Variants in XKR9 observed in about 807,000 individuals in gnomAD.
The protein encoded by XKR9 is XK-related protein 9.
In XKR9, 32 loss-of-function variants were observed where a neutral mutation model predicts 32.0. That is an observed-to-expected ratio of 1.00 (90% CI 0.76 to 1.34). The LOEUF is 1.34. Ranked by LOEUF, XKR9 falls within the 40% of genes most tolerant of loss-of-function variation. The pLI is 0.00. For synonymous variants in XKR9, 168 were observed against 143.4 expected (o/e 1.17, Z -1.22); for missense variants, 546 against 429.7 (o/e 1.27, Z -2.39).
the XKR9 span, among the ~76,000 whole-genome samples, chr8:70,929,527 C>A: frequency 2.0e-5 from 3 of 152,080 alleles, no homozygotes; most frequent in African/African-American, 7.2e-5. Context: ...GTAGGTCAGG[C>A]TGAGCTCTTA....
At chr8:70,687,837 AATTT>A (rs1329903388) in intron 3 of XKR9, among the ~76,000 whole-genome samples, 2 of 152,108 alleles carry the variant, frequency 1.3e-5, no homozygotes, top group Non-Finnish European at 2.9e-5. Flanking sequence ...AATCTTTTGA[AATTT>A]ATTCAGACTT....
the XKR9 span, among the ~76,000 whole-genome samples, chr8:70,942,620 A>G: frequency 1.2e-4 from 18 of 152,130 alleles, no homozygotes; most frequent in African/African-American, 4.1e-4. Flanking sequence ...TTGGACATAC[A>G]TGGTCTTGGA....
intron 3 of XKR9, among the ~76,000 whole-genome samples, chr8:70,688,200 A>AAGTATATT (rs1392024215): frequency 2.0e-5 from 3 of 152,194 alleles, no homozygotes; most frequent in African/African-American, 7.2e-5. Context: ...AAATCTTCAG[A>AAGTATATT]AGTATATTAG....
chr8:70,752,802 C>A (rs926117897), intron 2 of XKR9, among the ~76,000 whole-genome samples: 48 of 152,094 alleles, frequency 3.2e-4, no homozygotes, highest in Admixed American at 1.6e-3. Flanking sequence ...TAAATGCCCA[C>A]AAGAGAAAGC....
At chr8:70,967,376 G>A in the XKR9 span, among the ~76,000 whole-genome samples, 2 of 152,182 alleles carry the variant, frequency 1.3e-5, no homozygotes, top group Admixed American at 1.3e-4. Flanking sequence ...GCCGGGTCTT[G>A]ACTCTTTATC....
chr8:70,790,877 CT>C (rs1433483355), downstream of XKR9, among the ~76,000 whole-genome samples: 1 of 151,964 alleles, frequency 6.6e-6, no homozygotes, highest in Admixed American at 6.6e-5. Flanking sequence ...GATTTGGTAT[CT>C]GATGAGGTCC....
the XKR9 span, among the ~76,000 whole-genome samples, chr8:71,030,373 G>C: frequency 6.6e-6 from 1 of 152,160 alleles, no homozygotes; most frequent in Non-Finnish European, 1.5e-5. Context: ...TCTGGGAGCT[G>C]AGTAGGGCAA....
At chr8:71,063,572 G>C in the XKR9 span, among the ~76,000 whole-genome samples, 5 of 151,244 alleles carry the variant, frequency 3.3e-5, no homozygotes, top group African/African-American at 1.2e-4. Context: ...AAAAGAGAAA[G>C]AAAAGAAAAA....
chr8:70,858,518 G>C, the XKR9 span, among the ~76,000 whole-genome samples: 1 of 151,852 alleles, frequency 6.6e-6, no homozygotes, highest in Non-Finnish European at 1.5e-5. Context: ...TCTTAAAATT[G>C]ATATGTAACC....
chr8:70,779,773 T>G lies in XKR9; in HGVS notation n.353-9566T>G, dbSNP rs541758520. On this transcript the variant is annotated intron_variant and non_coding_transcript_variant, in intron 2 of 3. Coordinates refer to the XKR9 transcript ENST00000520273. ...GTTTATAGTATTCTCTGATGGTAGT[T>G]TGTATTTCTGTGGGATTGGTGGTGA... 2.0e-5 allele frequency among the ~76,000 whole-genome samples: 3 copies of G among 152,300 alleles called. No individual in the cohort carries two copies. In the South Asian group the frequency reaches 6.2e-4, roughly 32 times the overall value.
chr8:70,741,256 T>G (rs889211088), intron 2 of XKR9, among the ~76,000 whole-genome samples: 2 of 152,226 alleles, frequency 1.3e-5, no homozygotes, highest in African/African-American at 4.8e-5. Flanking sequence ...ATGATGGGAC[T>G]GGTGGTTTTA....
intron 3 of XKR9, among the ~76,000 whole-genome samples, chr8:70,706,372 T>G (rs1386909288): frequency 6.6e-6 from 1 of 152,144 alleles, no homozygotes; most frequent in Admixed American, 6.5e-5. Flanking sequence ...GAGCCTAGCA[T>G]CTTGTAGGTA....
chr8:70,685,883 A>C (rs1052812615), intron 3 of XKR9, among the ~76,000 whole-genome samples: 5 of 150,526 alleles, frequency 3.3e-5, no homozygotes, highest in Non-Finnish European at 7.4e-5. Context: ...TTAAAGTATA[A>C]TAATAAAATA....
Position 70,711,760 on chromosome 8 carries a change from G to A in XKR9, c.493+4607G>A, listed in dbSNP as rs1453291074. Among the ~76,000 whole-genome samples the A allele has an allele frequency of 6.8e-5, 5 of 73,556 alleles. 1 individual carries two copies. The highest frequency in any genetic ancestry group is 1.3e-4 in the African/African-American group (3 of 23,896). 48.3% of individuals were successfully genotyped at this position (73,556 alleles called of 152,430 possible). On this transcript the variant is annotated intron_variant, in intron 4 of 4. Transcript: ENST00000408926. ...TTACCCATGTAAAAAACCTGCACAC[G>A]TACCCCTTGAAACTTAAAAGTTGGA...
chr8:70,875,114 G>T, the XKR9 span, among the ~76,000 whole-genome samples: 1 of 152,094 alleles, frequency 6.6e-6, no homozygotes, highest in African/African-American at 2.4e-5. Flanking sequence ...ATAGAGGGAG[G>T]TCCTACTTGT....
the XKR9 span, among the ~76,000 whole-genome samples, chr8:70,860,633 T>C: frequency 6.6e-6 from 1 of 151,960 alleles, no homozygotes; most frequent in Admixed American, 6.6e-5. Context: ...CTCTTGGCAA[T>C]TAGTTACTTA....
At position 70,672,160 on chromosome 8, in the gene XKR9, A is replaced by G. The variant is rs1818736096; in HGVS notation, c.-361+2622A>G. On this transcript the variant is annotated intron_variant, in intron 1 of 4. Coordinates refer to ENST00000408926, the MANE Select transcript of XKR9 (RefSeq NM_001011720.2). The stretch of plus-strand genomic sequence containing the variant: ...CCATACTGCCCAAGGTAATTTACAG[A>G]TTCAATGCCATCCCCATCAAGCTAC... 4.9e-5 allele frequency among the ~76,000 whole-genome samples: 3 copies of G among 61,554 alleles called. 1 individual carries two copies. The highest frequency in any genetic ancestry group is 1.6e-4 in the Admixed American group (1 of 6,414). The allele number at this position is 61,554 out of a possible 152,430, so 40.4% of individuals were successfully genotyped here. A position where few individuals can be genotyped will look rare whatever the true frequency, so the allele number is the denominator to read the frequency against.
chr8:70,733,802 C>CTACAG lies in XKR9; in HGVS notation c.500_501insTACAG (p.Ile168ThrfsTer19), dbSNP rs1806754432. ...TTATTTTTTTGTTTTGTAGATGCGG[C>CTACAG]CATCATGGTCTCTTGCTGTGCTATT... On this transcript the variant is annotated frameshift_variant, in exon 5 of 5. Transcript: ENST00000408926. LOFTEE classifies it high-confidence loss of function. 1 of 1,552,680 alleles carries CTACAG rather than the reference C, an allele frequency of 6.4e-7. No individual in the cohort carries two copies. The highest frequency in any genetic ancestry group is 2.2e-5 in the Admixed American group (1 of 44,910).
At chr8:70,702,891 C>T (rs892441152) in intron 3 of XKR9, among the ~76,000 whole-genome samples, 2 of 152,092 alleles carry the variant, frequency 1.3e-5, no homozygotes, top group African/African-American at 2.4e-5. Context: ...AATCCATTTA[C>T]ATTTAGTGTA....
Sources: allele counts gnomAD v4.1 joint callset (sites outside exome capture counted in the v4.1 genomes callset), GRCh38; gene constraint gnomAD v4.1.1; transcripts MANE v1.5; gene names NCBI Gene and HGNC (gene_info 2026-07-23, HGNC 2026-07-21).